Variants in ZNF556 observed in about 807,000 individuals in gnomAD.
ZNF556 encodes zinc finger protein 556.
ZNF556 carries 11 observed loss-of-function variants against 13.6 expected under a neutral mutation model. That is an observed-to-expected ratio of 0.81 (90% CI 0.51 to 1.33). ZNF556 has a LOEUF of 1.33. ZNF556 is among the 40% of genes most tolerant of loss of function. The probability of loss-of-function intolerance (pLI) is 0.00; values close to 1 mark genes in which losing one functional copy is unlikely to be tolerated. For synonymous variants in ZNF556, 229 were observed against 207.8 expected, an observed-to-expected ratio of 1.10 and a Z score of -0.88; for missense variants, 633 against 566.2, an observed-to-expected ratio of 1.12 and a Z score of -1.20.
chr19:2,873,199 A>G (rs1343005851), intron 1 of ZNF556, among the ~76,000 whole-genome samples: 8 of 152,134 alleles, frequency 5.3e-5, no homozygotes, highest in Admixed American at 5.2e-4. Flanking sequence ...CAGATTTTTT[A>G]AAAAGGTAAC....
intron 1 of ZNF556, among the ~76,000 whole-genome samples, chr19:2,871,780 C>T (rs766825665): frequency 3.9e-5 from 6 of 152,136 alleles, no homozygotes; most frequent in African/African-American, 4.8e-5. Flanking sequence ...CAGCTGGGCC[C>T]GGGGGACCAC....
chr19:2,870,215 G>A (rs562306545), intron 1 of ZNF556, among the ~76,000 whole-genome samples: 103 of 152,180 alleles, frequency 6.8e-4, no homozygotes, highest in Non-Finnish European at 1.1e-3. Flanking sequence ...GGGAGGCCGA[G>A]GCAGGTGGAT....
At position 2,883,393 on chromosome 19, in the gene ZNF556, G is replaced by T. The variant is rs2087918933; in HGVS notation, c.*5064G>T. ...ATGCTTAGACTTCCAGCAGCTATTA[G>T]AAGAGAAAAATATGTAACAGCTTTG... On this transcript the variant is annotated 3_prime_UTR_variant, in exon 4 of 4. Coordinates refer to ENST00000307635, the MANE Select transcript of ZNF556 (RefSeq NM_024967.3). 6.6e-6 allele frequency: 1 copy of T among 152,076 alleles called. No homozygotes were observed. Among genetic ancestry groups the T allele is most frequent in the African/African-American group, 2.4e-5 (1 of 41,404 alleles). The allele number at this position is 152,076 out of a possible 1,614,324, so 9.4% of individuals were successfully genotyped here.
chr19:2,871,955 G>A lies in ZNF556; in HGVS notation c.4-1541G>A, dbSNP rs138905455. On this transcript the variant is annotated intron_variant, in intron 1 of 3. Transcript: ENST00000307635. ...TGGACAGGGGGCCCTTCCCTGCGTG[G>A]CAGCCGAGGCAGAGAGAGAGAGGAG... is the stretch of plus-strand genomic sequence containing the variant. Among the ~76,000 whole-genome samples, 1,146 of 152,292 alleles carry A rather than the reference G, an allele frequency of 7.5e-3. 5 individuals carry two copies. The highest frequency in any genetic ancestry group is 0.012 in the Non-Finnish European group (832 of 68,028).
chr19:2,868,690 T>TACAG (rs1443872907), intron 1 of ZNF556, among the ~76,000 whole-genome samples: 1 of 147,788 alleles, frequency 6.8e-6, no homozygotes, highest in African/African-American at 2.5e-5. Context: ...ATGCTTGGAT[T>TACAG]ACAGGCAGCA....
At chr19:2,870,083 C>T (rs1164960198) in intron 1 of ZNF556, among the ~76,000 whole-genome samples, 1 of 152,160 alleles carries the variant, frequency 6.6e-6, no homozygotes, top group African/African-American at 2.4e-5. Context: ...TTGTATACTA[C>T]ATTCGCCATG....
chr19:2,873,688 T>A, intron 2 of ZNF556, 66 bp downstream of exon 2: 1 of 1,558,914 alleles, frequency 6.4e-7, no homozygotes, highest in Non-Finnish European at 8.7e-7. Flanking sequence ...TTGCAGTGGT[T>A]CATGCCTGTA....
At chr19:2,867,524 C>T (rs1481727501) in intron 1 of ZNF556, 100 bp downstream of exon 1, 1 of 1,509,690 alleles carries the variant, frequency 6.6e-7, no homozygotes, top group African/African-American at 1.4e-5. Flanking sequence ...CCGCCCGGAA[C>T]CCCCATGCAG....
Position 2,877,313 on chromosome 19 carries a change from G to A in ZNF556, c.355G>A (p.Gly119Ser). ...GGAGAGACCATGTAAAAGCAGTAAA[G>A]GTAATAAACGTGGAAGAACCTTCAG... The part of the protein sequence containing the change: ...RVERPCKSSK[G>S]NKRGRTFRKT... The change falls in exon 4 of 4, where the codon GGT (glycine) becomes AGT (serine). Residue 119 changes from glycine (G) to serine (S), a missense_variant. Transcript: ENST00000307635. 1 of 1,614,024 alleles carries A rather than the reference G, an allele frequency of 6.2e-7. No individual in the cohort carries two copies. Among genetic ancestry groups the A allele is most frequent in the Non-Finnish European group, 8.5e-7 (1 of 1,179,942 alleles).
intron 2 of ZNF556, among the ~76,000 whole-genome samples, chr19:2,874,603 G>C (rs1329800856): frequency 1.3e-5 from 2 of 151,862 alleles, no homozygotes; most frequent in Admixed American, 6.6e-5. Context: ...AATTAGCCAG[G>C]TGTGGCGGAG....
rs1299407091 is a variant in ZNF556, at chr19:2,877,613, A to G, written c.655A>G (p.Thr219Ala). The G allele has an allele frequency of 6.2e-7, 1 of 1,614,194 alleles. No individual in the cohort carries two copies. Among genetic ancestry groups the G allele is most frequent in the Non-Finnish European group, 8.5e-7 (1 of 1,180,030 alleles). Residue 219 changes from threonine to alanine, a missense_variant, in exon 4 of 4, where the codon ACT becomes GCT. Thr to Ala is a moderately conservative substitution (Grantham distance 58). Transcript: ENST00000307635. ...GACATTTCTTCGTTCCCACTCTCTC[A>G]CTGAACATGTAAGGACTCACACTGG... The part of the protein sequence containing the change: ...GKTFLRSHSL[T>A]EHVRTHTGEK...
At position 2,877,301 on chromosome 19, in the gene ZNF556, A is replaced by G; in HGVS notation, c.343A>G (p.Lys115Glu). ...AAATCCAAGGGTGGAGAGACCATGT[A>G]AAAGCAGTAAAGGTAATAAACGTGG... ...SRNPRVERPC[K>E]SSKGNKRGRT... The change falls in exon 4 of 4, where the codon AAA (lysine) becomes GAA (glutamate). Residue 115 changes from lysine to glutamate, a missense_variant. Transcript: ENST00000307635. 1.2e-6 allele frequency: 2 copies of G among 1,613,238 alleles called. No homozygotes were observed. Among genetic ancestry groups the G allele is most frequent in the Non-Finnish European group, 1.7e-6 (2 of 1,179,240 alleles).
In ZNF556 at chr19:2,878,512, A is replaced by G. The variant is rs576961956; in HGVS notation, c.*183A>G. 2.0e-5 allele frequency: 10 copies of G among 512,216 alleles called. No homozygotes were observed. The East Asian group carries it at 3.5e-4, about 18-fold the overall frequency. The allele number at this position is 512,216 out of a possible 1,614,324, so 31.7% of individuals were successfully genotyped here. A position where few individuals can be genotyped will look rare whatever the true frequency, so the allele number is the denominator to read the frequency against. On this transcript the variant is annotated 3_prime_UTR_variant, in exon 4 of 4. Coordinates refer to ENST00000307635, the MANE Select transcript of ZNF556 (RefSeq NM_024967.3). The stretch of plus-strand genomic sequence containing the variant: ...GAAACCCCGTCTCTACTAAAAAAAA[A>G]AAAAATACAAAAAATTAGCCGGGCG...
intron 2 of ZNF556, among the ~76,000 whole-genome samples, chr19:2,874,496 G>A (rs2087832967): frequency 1.3e-5 from 2 of 151,980 alleles, no homozygotes; most frequent in Non-Finnish European, 2.9e-5. Context: ...TGTAATACCA[G>A]CACTTTGGGA....
Position 2,877,806 on chromosome 19 carries a change from G to A in ZNF556, c.848G>A (p.Gly283Glu). 1 of 1,614,180 alleles carries A rather than the reference G, an allele frequency of 6.2e-7. No homozygotes were observed. The highest frequency in any genetic ancestry group is 8.5e-7 in the Non-Finnish European group (1 of 1,180,030). Residue 283 changes from glycine (G) to glutamate (E), a missense_variant, in exon 4 of 4, where the codon GGA becomes GAA. Coordinates refer to ENST00000307635, the MANE Select transcript of ZNF556 (RefSeq NM_024967.3). ...SFRVHMIMHA[G>E]GRPYECKQCG... ...CGAGTCCATATGATCATGCACGCCG[G>A]AGGGAGACCGTATGAGTGCAAGCAG...
At position 2,878,095 on chromosome 19, in the gene ZNF556, T is replaced by C. The variant is rs371775676; in HGVS notation, c.1137T>C (p.Tyr379=). Residue 379 remains tyrosine, a synonymous_variant, in exon 4 of 4, where the codon TAT becomes TAC. Coordinates refer to ENST00000307635, the MANE Select transcript of ZNF556 (RefSeq NM_024967.3). The stretch of plus-strand genomic sequence containing the variant: ...AATGTGAAACGTGTGGGAAAACGTA[T>C]GGTTGGTCCTCATCTTTACACAAAC... ...VYKCETCGKT[Y]GWSSSLHKHE... is the part of the protein sequence containing the mutation. 393 of 1,613,970 alleles carry C rather than the reference T, an allele frequency of 2.4e-4. No homozygotes were observed. The highest frequency in any genetic ancestry group is 3.2e-4 in the Non-Finnish European group (378 of 1,180,014).
At chr19:2,877,127 T>C (rs1374051940) in intron 3 of ZNF556, 146 bp from the exon 4 acceptor site, 1 of 618,142 alleles carries the variant, frequency 1.6e-6, no homozygotes, top group Non-Finnish European at 2.7e-6. Context: ...ACAGAATTGT[T>C]TGAACCTGGG....
Position 2,876,231 on chromosome 19 carries a change from A to C in ZNF556, c.269A>C (p.Glu90Ala). ...WASLLGKNWE[E>A]HSVKDKHNTK... ...TCCCTTTTAGGAAAAAATTGGGAAG[A>C]ACATAGCGTTAAAGACAAGCACAAC... is the stretch of plus-strand genomic sequence containing the variant. Residue 90 changes from glutamate (E) to alanine (A), a missense_variant, in exon 3 of 4, where the codon GAA (glutamate) becomes GCA (alanine). Coordinates refer to ENST00000307635, the MANE Select transcript of ZNF556 (RefSeq NM_024967.3). The C allele has an allele frequency of 6.2e-7, 1 of 1,608,718 alleles. No individual in the cohort carries two copies. Among genetic ancestry groups the C allele is most frequent in the Non-Finnish European group, 8.5e-7 (1 of 1,178,534 alleles).
chr19:2,868,574 G>A (rs558360256), intron 1 of ZNF556, among the ~76,000 whole-genome samples: 51 of 150,392 alleles, frequency 3.4e-4, no homozygotes, highest in African/African-American at 1.2e-3. Flanking sequence ...GTGCCACCAC[G>A]TCCAGCTAAT....
Sources: allele counts gnomAD v4.1 joint callset (sites outside exome capture counted in the v4.1 genomes callset), GRCh38; gene constraint gnomAD v4.1.1; transcripts MANE v1.5; gene names NCBI Gene and HGNC (gene_info 2026-07-23, HGNC 2026-07-21).